The following ARHGEF28 variants were observed in gnomAD, a reference collection of about 807,000 sequenced individuals.
ARHGEF28 encodes the protein 190 kDa guanine nucleotide exchange factor.
Under a neutral mutation model 206.6 loss-of-function variants are expected in ARHGEF28, and 152 were observed. The ratio of observed to expected loss-of-function variants is 0.74; its 90% CI spans 0.64 to 0.84. ARHGEF28 has a LOEUF of 0.84. Ranked by LOEUF, ARHGEF28 falls within the 40% of genes least tolerant of loss-of-function variation. The pLI, the probability that ARHGEF28 is intolerant of heterozygous loss-of-function variation, is 0.00. For synonymous variants in ARHGEF28, 763 were observed against 776.4 expected (o/e 0.98, Z 0.29); for missense variants, 2,028 against 2,073.2 (o/e 0.98, Z 0.42).
chr5:73,695,045 C>A (rs1748104768), intron 2 of ARHGEF28, among the ~76,000 whole-genome samples: 1 of 152,134 alleles, frequency 6.6e-6, no homozygotes, highest in Non-Finnish European at 1.5e-5. Flanking sequence ...TCCTGGAGAG[C>A]AGTCTAGTAG....
rs764457112 is a variant in ARHGEF28 at position 73,795,358 on chromosome 5, A to G, written c.991A>G (p.Asn331Asp). Residue 331 changes from asparagine to aspartate, a missense_variant, in exon 9 of 36, where the codon AAT becomes GAT. Physicochemically the swap from Asn to Asp is conservative, Grantham distance 23. Around this residue, in one of 3 missense-constraint regions of ARHGEF28, gnomAD observed 1,002 missense variants for 1,015.3 expected, o/e 0.99. Coordinates refer to ENST00000513042, the MANE Select transcript of ARHGEF28 (RefSeq NM_001177693.2). ...TGTCAAAAGCCTGGTGGTTCAACAC[A>G]ATGAACATGAAGACCAGCACAGCCT... ...KRVKSLVVQH[N>D]EHEDQHSLDL... is the part of the protein sequence containing the mutation. The G allele has an allele frequency of 6.2e-7, 1 of 1,613,940 alleles. No homozygotes were observed. Among genetic ancestry groups the G allele is most frequent in the Non-Finnish European group, 8.5e-7 (1 of 1,179,844 alleles).
At chr5:73,730,534 A>ATTTTT (rs968990208) in intron 2 of ARHGEF28, among the ~76,000 whole-genome samples, 8 of 117,412 alleles carry the variant, frequency 6.8e-5, no homozygotes, top group Admixed American at 8.7e-5. Flanking sequence ...CATAAGGAGG[A>ATTTTT]TTTTTTTTTT....
chr5:73,817,977 C>T (rs111406573), intron 9 of ARHGEF28, among the ~76,000 whole-genome samples: 1,665 of 152,172 alleles, frequency 0.011, 37 homozygotes, highest in African/African-American at 0.037. Context: ...ATCTTGATAC[C>T]TTCCTCCTAT....
intron 13 of ARHGEF28, among the ~76,000 whole-genome samples, chr5:73,850,281 TAGAAG>T (rs780776140): frequency 1.4e-4 from 21 of 152,048 alleles, no homozygotes; most frequent in Non-Finnish European, 2.5e-4. Flanking sequence ...GATGTACTGT[TAGAAG>T]AGAAGAGAGC....
intron 22 of ARHGEF28, among the ~76,000 whole-genome samples, chr5:73,878,360 A>G (rs1025519145): frequency 1.3e-4 from 20 of 151,736 alleles, no homozygotes; most frequent in South Asian, 8.4e-4. Context: ...CACACTGATG[A>G]GTCTTGACTC....
intron 1 of ARHGEF28, among the ~76,000 whole-genome samples, chr5:73,637,296 C>T (rs1019348922): frequency 4.6e-5 from 7 of 152,080 alleles, no homozygotes; most frequent in African/African-American, 1.2e-4. Flanking sequence ...CCCCTAACCC[C>T]GCTCCCATCT....
intron 35 of ARHGEF28, among the ~76,000 whole-genome samples, chr5:73,933,717 C>G (rs1764260780): frequency 6.6e-6 from 1 of 152,166 alleles, no homozygotes; most frequent in African/African-American, 2.4e-5. Context: ...TCTCTCTTCT[C>G]TTGCATTGGG....
chr5:73,773,641 A>G (rs1753363600), intron 4 of ARHGEF28, among the ~76,000 whole-genome samples: 1 of 152,188 alleles, frequency 6.6e-6, no homozygotes, highest in Non-Finnish European at 1.5e-5. Flanking sequence ...TGCTCAGCGG[A>G]CCTGGCCCCA....
intron 35 of ARHGEF28, among the ~76,000 whole-genome samples, chr5:73,917,079 T>C (rs984724015): frequency 5.9e-5 from 9 of 152,216 alleles, no homozygotes; most frequent in African/African-American, 1.4e-4. Context: ...TTCCTACTTA[T>C]AGTTTTATTT....
intron 6 of ARHGEF28, among the ~76,000 whole-genome samples, chr5:73,779,953 G>A (rs949345787): frequency 6.6e-6 from 1 of 152,210 alleles, no homozygotes. Flanking sequence ...AAGGGGATAA[G>A]GGACCTATGT....
intron 1 of ARHGEF28, among the ~76,000 whole-genome samples, chr5:73,674,005 C>CT (rs1233979744): frequency 5.8e-5 from 7 of 121,698 alleles, no homozygotes; most frequent in Non-Finnish European, 9.8e-5. Flanking sequence ...CACTCCATCT[C>CT]TTTAAAAAAA....
chr5:73,775,812 C>G lies in ARHGEF28; in HGVS notation c.660-704C>G, dbSNP rs867378119. On this transcript the variant is annotated intron_variant, in intron 5 of 35. Coordinates refer to ENST00000513042, the MANE Select transcript of ARHGEF28 (RefSeq NM_001177693.2). ...GAATATTGCGATACTAACCATGAAG[C>G]CTGAATGTAATTTACAAATGTACAA... 3.3e-5 allele frequency among the ~76,000 whole-genome samples: 5 copies of G among 151,852 alleles called. No individual in the cohort carries two copies. The South Asian group carries it at 6.2e-4, about 19-fold the overall frequency.
Position 73,736,927 on chromosome 5 carries a change from G to A in ARHGEF28, c.34-12910G>A, listed in dbSNP as rs577971809. Among the ~76,000 whole-genome samples, 140 of 152,226 alleles carry A rather than the reference G, an allele frequency of 9.2e-4. 1 individual carries two copies. The highest frequency in any genetic ancestry group is 3.1e-3 in the African/African-American group (130 of 41,544). ...CAAGGTCAGAAAAAGGAGCTCCTTCGTTTTAAAGCCATGGCTGCTTCTGCC... is the reference window on the plus strand; with the variant it reads ...CAAGGTCAGAAAAAGGAGCTCCTTCATTTTAAAGCCATGGCTGCTTCTGCC... On this transcript the variant is annotated intron_variant, in intron 2 of 35. Coordinates refer to ENST00000513042, the MANE Select transcript of ARHGEF28 (RefSeq NM_001177693.2).
chr5:73,850,527 C>T (rs906687229), intron 13 of ARHGEF28, among the ~76,000 whole-genome samples: 1 of 152,078 alleles, frequency 6.6e-6, no homozygotes, highest in African/African-American at 2.4e-5. Flanking sequence ...CTGATAGTCC[C>T]AGCTGATGAA....
At chr5:73,931,325 G>A (rs572372902) in intron 35 of ARHGEF28, among the ~76,000 whole-genome samples, 1 of 152,150 alleles carries the variant, frequency 6.6e-6, no homozygotes, top group Admixed American at 6.5e-5. Context: ...TTTCAGTGAG[G>A]TCTTTCGTTA....
At chr5:73,629,601 A>AT (rs1404212020) in intron 1 of ARHGEF28, among the ~76,000 whole-genome samples, 1 of 151,562 alleles carries the variant, frequency 6.6e-6, no homozygotes, top group Admixed American at 6.6e-5. Flanking sequence ...ATTGACTTCC[A>AT]TTTTTCCCTT....
At chr5:73,700,591 A>C (rs1302173193) in intron 2 of ARHGEF28, among the ~76,000 whole-genome samples, 1 of 152,196 alleles carries the variant, frequency 6.6e-6, no homozygotes. Context: ...GGTTAACAGT[A>C]AAGTATCGTA....
chr5:73,804,196 A>G (rs527515452), intron 9 of ARHGEF28, among the ~76,000 whole-genome samples: 3 of 152,218 alleles, frequency 2.0e-5, no homozygotes, highest in South Asian at 4.1e-4. Flanking sequence ...TTGTCTGCCA[A>G]TGAAATTTCA....
chr5:73,860,565 T>C (rs1759336255), intron 16 of ARHGEF28, among the ~76,000 whole-genome samples: 2 of 152,170 alleles, frequency 1.3e-5, no homozygotes, highest in African/African-American at 4.8e-5. Flanking sequence ...CTCCTGTCAA[T>C]GTCACTCAGT....
Sources: gnomAD v4.1 joint callset for allele counts (sites outside exome capture counted in the v4.1 genomes callset) on GRCh38, gnomAD v4.1.1 for gene constraint, gnomAD v4.1.1 regional missense constraint, MANE v1.5 for transcripts, NCBI Gene and HGNC (gene_info 2026-07-23, HGNC 2026-07-21) for gene names.